The following SEMA5A variants were observed in gnomAD, a reference collection of about 807,000 sequenced individuals.
SEMA5A encodes semaphorin-5A.
A neutral mutation model predicts 135.5 loss-of-function variants in SEMA5A; 55 were observed. That is an observed-to-expected ratio of 0.41 (90% CI 0.33 to 0.51). The LOEUF (loss-of-function observed/expected upper bound fraction) is 0.51. SEMA5A is among the 20% of genes least tolerant of loss of function. SEMA5A has a pLI of 0.37. For synonymous variants in SEMA5A, 580 were observed against 546.5 expected (o/e 1.06, Z -0.85); for missense variants, 1,290 against 1,419.9 (o/e 0.91, Z 1.47).
intron 11 of SEMA5A, among the ~76,000 whole-genome samples, chr5:9,155,584 G>A (rs1000109344): frequency 6.6e-6 from 1 of 152,148 alleles, no homozygotes; most frequent in African/African-American, 2.4e-5. Context: ...CAAGTACCTG[G>A]AATCATCCTG....
At chr5:9,219,188 G>C (rs1253136956) in intron 8 of SEMA5A, among the ~76,000 whole-genome samples, 2 of 152,214 alleles carry the variant, frequency 1.3e-5, no homozygotes, top group Non-Finnish European at 2.9e-5. Context: ...TCTGTGGAGA[G>C]TGGGTCAGAG....
At chr5:9,183,756 C>T (rs1744654710) in intron 11 of SEMA5A, among the ~76,000 whole-genome samples, 1 of 152,222 alleles carries the variant, frequency 6.6e-6, no homozygotes, top group African/African-American at 2.4e-5. Flanking sequence ...ACCTCACTTG[C>T]CCTCTTTCCA....
At chr5:9,503,495 A>G (rs1735699351) in intron 1 of SEMA5A, among the ~76,000 whole-genome samples, 1 of 152,174 alleles carries the variant, frequency 6.6e-6, no homozygotes, top group Non-Finnish European at 1.5e-5. Flanking sequence ...CACAACATCC[A>G]TGTTCACTCC....
At chr5:9,317,538 C>T (rs1050987820) in intron 5 of SEMA5A, among the ~76,000 whole-genome samples, 5 of 152,116 alleles carry the variant, frequency 3.3e-5, no homozygotes, top group Admixed American at 1.3e-4. Flanking sequence ...ATATTAAAAC[C>T]TAGCTCTGAA....
Position 9,202,133 on chromosome 5 carries a change from G to A in SEMA5A, c.754C>T (p.Arg252Trp), listed in dbSNP as rs752401925. 1.9e-6 allele frequency: 3 copies of A among 1,613,988 alleles called. No homozygotes were observed. The highest frequency in any genetic ancestry group is 1.3e-5 in the African/African-American group (1 of 74,898). ...CGKTVFSRAA[R>W]VCKNDIGGRF... ...CCACCAATATCGTTCTTGCACACCCGGGCAGCTCTGGAGAACACTGTTTTC... is the reference window on the plus strand; with the variant it reads ...CCACCAATATCGTTCTTGCACACCCAGGCAGCTCTGGAGAACACTGTTTTC... The change falls in exon 9 of 23, where the codon CGG becomes TGG. Residue 252 changes from arginine (R) to tryptophan (W), a missense_variant. Coordinates refer to ENST00000382496, the MANE Select transcript of SEMA5A (RefSeq NM_003966.3).
rs763706031 is a variant in SEMA5A at position 9,190,338 on chromosome 5, C to T, written c.1202G>A (p.Arg401His). ...TVPSFMEDNS[R>H]FSHVAVDVVQ... Reference sequence around the variant, plus strand: ...CACGTCGACTGCCACGTGGGAAAAGCGGCTATTGTCCTCCATGAAGGAGGG... The same window carrying T: ...CACGTCGACTGCCACGTGGGAAAAGTGGCTATTGTCCTCCATGAAGGAGGG... Residue 401 changes from arginine (R) to histidine (H), a missense_variant, in exon 11 of 23, where the codon CGC becomes CAC. Arg to His is a conservative substitution (Grantham distance 29, BLOSUM62 0). Transcript: ENST00000382496. The T allele has an allele frequency of 2.4e-5, 38 of 1,614,078 alleles. 1 individual carries two copies. The South Asian group carries it at 2.9e-4, about 12-fold the overall frequency.
At chr5:9,112,461 C>G (rs1740293671) in intron 15 of SEMA5A, among the ~76,000 whole-genome samples, 1 of 152,200 alleles carries the variant, frequency 6.6e-6, no homozygotes, top group Non-Finnish European at 1.5e-5. Flanking sequence ...TTGCTTCACT[C>G]TAAATGATCA....
chr5:9,385,773 A>C (rs1484603337), intron 2 of SEMA5A, among the ~76,000 whole-genome samples: 2 of 149,578 alleles, frequency 1.3e-5, no homozygotes, highest in Non-Finnish European at 3.0e-5. Flanking sequence ...CAGGATTTGC[A>C]GGAGAAGGAG....
chr5:9,054,000 A>G (rs1736743998), intron 19 of SEMA5A, 87 bp downstream of exon 19: 2 of 1,450,294 alleles, frequency 1.4e-6, no homozygotes, highest in South Asian at 1.4e-5. Flanking sequence ...ACTTACCATG[A>G]TGCAGTATCA....
chr5:9,266,205 T>C (rs1473459513), intron 5 of SEMA5A, among the ~76,000 whole-genome samples: 1 of 152,196 alleles, frequency 6.6e-6, no homozygotes, highest in Non-Finnish European at 1.5e-5. Context: ...GAGAACAGTC[T>C]ATCCATGGTT....
At chr5:9,169,828 T>C (rs3777275) in intron 11 of SEMA5A, among the ~76,000 whole-genome samples, 16,700 of 152,162 alleles carry the variant, frequency 0.11, 1,336 homozygotes, top group African/African-American at 0.22. Flanking sequence ...TACCAACTAT[T>C]TGCCCTAGGA....
chr5:9,136,681 A>T, intron 12 of SEMA5A, 60 bp from the exon 13 acceptor site: 1 of 1,364,808 alleles, frequency 7.3e-7, no homozygotes, highest in Non-Finnish European at 1.0e-6. Flanking sequence ...AAGATACACA[A>T]GACAAGGCGA....
At chr5:9,453,187 A>T (rs1171629426) in intron 1 of SEMA5A, among the ~76,000 whole-genome samples, 1 of 152,242 alleles carries the variant, frequency 6.6e-6, no homozygotes, top group Non-Finnish European at 1.5e-5. Flanking sequence ...GAGATTACAT[A>T]TTTGCAAATT....
At chr5:9,502,852 G>T (rs758272409) in intron 1 of SEMA5A, among the ~76,000 whole-genome samples, 1 of 152,172 alleles carries the variant, frequency 6.6e-6, no homozygotes, top group East Asian at 1.9e-4. Flanking sequence ...AAGGAAGAAG[G>T]AAAGGAAAGC....
At chr5:9,437,222 C>G (rs751031898) in intron 2 of SEMA5A, among the ~76,000 whole-genome samples, 19 of 152,344 alleles carry the variant, frequency 1.2e-4, no homozygotes, top group African/African-American at 1.9e-4. Flanking sequence ...TAAGAAGCAT[C>G]TAAGCCTTTT....
At chr5:9,177,059 G>T (rs1744244409) in intron 11 of SEMA5A, among the ~76,000 whole-genome samples, 1 of 152,252 alleles carries the variant, frequency 6.6e-6, no homozygotes, top group Admixed American at 6.5e-5. Context: ...TACCCAGCAT[G>T]TGGGTGCCAC....
At chr5:9,070,800 T>C (rs1737731900) in intron 16 of SEMA5A, among the ~76,000 whole-genome samples, 1 of 152,254 alleles carries the variant, frequency 6.6e-6, no homozygotes, top group East Asian at 1.9e-4. Flanking sequence ...TTTTGAGGTT[T>C]AATTATGATA....
intron 5 of SEMA5A, among the ~76,000 whole-genome samples, chr5:9,308,412 A>G (rs376704191): frequency 6.6e-6 from 1 of 152,158 alleles, no homozygotes; most frequent in East Asian, 1.9e-4. Context: ...GGTTCTATAT[A>G]TGCTCTAGAG....
intron 13 of SEMA5A, 80 bp from the exon 14 acceptor site, chr5:9,122,917 T>A: frequency 3.1e-6 from 4 of 1,276,308 alleles, no homozygotes; most frequent in Non-Finnish European, 4.2e-6. Flanking sequence ...AAATCCCTCA[T>A]AAGACAATCA....
Sources: gnomAD v4.1 joint callset for allele counts (sites outside exome capture counted in the v4.1 genomes callset) on GRCh38, gnomAD v4.1.1 for gene constraint, MANE v1.5 for transcripts, NCBI Gene and HGNC (gene_info 2026-07-23, HGNC 2026-07-21) for gene names.